COL23A1: variants seen among roughly 807,000 people sequenced by gnomAD.
The protein encoded by COL23A1 is collagen type XXIII alpha 1 chain, also known as collagen alpha-1(XXIII) chain.
COL23A1 carries 97 observed loss-of-function variants against 99.3 expected under a neutral mutation model. The observed-to-expected ratio is 0.98, with a 90% confidence interval of 0.83 to 1.16. COL23A1 has a LOEUF of 1.16. Among genes scored for constraint, COL23A1 ranks in the 50% most tolerant of loss-of-function variants. The pLI, the probability that COL23A1 is intolerant of heterozygous loss-of-function variation, is 0.00. For synonymous variants in COL23A1, 320 were observed against 308.2 expected, an observed-to-expected ratio of 1.04 and a Z score of -0.40; for missense variants, 762 against 757.4, an observed-to-expected ratio of 1.01 and a Z score of -0.07.
At position 178,381,455 on chromosome 5, in the gene COL23A1, C is replaced by A. The variant is rs544296809; in HGVS notation, c.362-74536G>T. On this transcript the variant is annotated intron_variant, in intron 2 of 28. Coordinates refer to ENST00000390654, the MANE Select transcript of COL23A1 (RefSeq NM_173465.4). ...CAGCTGCTTGGGACACCAGCACCAC[C>A]GGGAGAGAGGGTCCTGCCTGTCGCT... 2.0e-5 allele frequency among the ~76,000 whole-genome samples: 3 copies of A among 152,320 alleles called. No homozygotes were observed. In the East Asian group the frequency reaches 5.8e-4, roughly 29 times the overall value.
At chr5:178,575,680 C>T (rs1763313634) in intron 1 of COL23A1, among the ~76,000 whole-genome samples, 1 of 152,192 alleles carries the variant, frequency 6.6e-6, no homozygotes, top group African/African-American at 2.4e-5. Context: ...AGGCACCTGC[C>T]ACCTGGTCCT....
intron 2 of COL23A1, among the ~76,000 whole-genome samples, chr5:178,460,334 G>A (rs983701730): frequency 2.0e-5 from 3 of 152,006 alleles, no homozygotes; most frequent in Admixed American, 6.6e-5. Context: ...AAAGCCCTTG[G>A]CAAAGATGAG....
At chr5:178,279,312 C>T (rs1398769669) in intron 5 of COL23A1, among the ~76,000 whole-genome samples, 1 of 152,202 alleles carries the variant, frequency 6.6e-6, no homozygotes, top group Non-Finnish European at 1.5e-5. Context: ...GCTCTGTCTT[C>T]CTGCCACCTC....
At chr5:178,239,082 A>C in intron 28 of COL23A1, 59 bp downstream of exon 28, 5 of 1,568,296 alleles carry the variant, frequency 3.2e-6, no homozygotes, top group Non-Finnish European at 4.4e-6. Flanking sequence ...GGGCCCTCCC[A>C]TTCCCCCACC....
At chr5:178,422,591 C>T (rs541668100) in intron 2 of COL23A1, among the ~76,000 whole-genome samples, 25 of 152,164 alleles carry the variant, frequency 1.6e-4, no homozygotes, top group South Asian at 8.3e-4. Context: ...CCCAGCAGGC[C>T]GGGAGCTGGG....
intron 2 of COL23A1, among the ~76,000 whole-genome samples, chr5:178,345,924 G>GC (rs1200985753): frequency 2.6e-5 from 4 of 152,124 alleles, no homozygotes; most frequent in African/African-American, 9.7e-5. Flanking sequence ...GGAGGACACT[G>GC]CAAGTTCACA....
intron 8 of COL23A1, among the ~76,000 whole-genome samples, chr5:178,266,684 C>T (rs1040260844): frequency 6.6e-6 from 1 of 152,174 alleles, no homozygotes; most frequent in East Asian, 1.9e-4. Context: ...CAGCTGTGTT[C>T]GTGCTCACAG....
At chr5:178,413,469 G>A (rs1765151239) in intron 2 of COL23A1, among the ~76,000 whole-genome samples, 1 of 152,208 alleles carries the variant, frequency 6.6e-6, no homozygotes, top group African/African-American at 2.4e-5. Context: ...TATATCATAT[G>A]TTCAATTATC....
At chr5:178,315,224 G>A (rs770294848) in intron 2 of COL23A1, among the ~76,000 whole-genome samples, 11 of 152,152 alleles carry the variant, frequency 7.2e-5, no homozygotes, top group Non-Finnish European at 1.3e-4. Context: ...CATACCAGCC[G>A]TGCTGCAGCC....
intron 2 of COL23A1, among the ~76,000 whole-genome samples, chr5:178,551,585 C>CA (rs1353434330): frequency 6.6e-6 from 1 of 152,166 alleles, no homozygotes; most frequent in African/African-American, 2.4e-5. Flanking sequence ...CCCACCCACC[C>CA]AGTTTGTGAG....
rs1403258436 is a variant in COL23A1 at position 178,306,042 on chromosome 5, T to C, written c.406+833A>G. Among the ~76,000 whole-genome samples the C allele has an allele frequency of 6.6e-6, 1 of 151,472 alleles. No individual in the cohort carries two copies. Among genetic ancestry groups the C allele is most frequent in the Non-Finnish European group, 1.5e-5 (1 of 67,896 alleles). On this transcript the variant is annotated intron_variant, in intron 3 of 28. Coordinates refer to ENST00000390654, the MANE Select transcript of COL23A1 (RefSeq NM_173465.4). The surrounding 1 kb of genome is among the most constrained non-coding windows in gnomAD (Gnocchi z 4.1). ...GGAGGCAGGGAGAGGACATGGTCAGTGTCACAGCAGTGGGAGACTGTGGGA... is the reference window on the plus strand; with the variant it reads ...GGAGGCAGGGAGAGGACATGGTCAGCGTCACAGCAGTGGGAGACTGTGGGA...
At chr5:178,350,265 C>T (rs1016830528) in intron 2 of COL23A1, among the ~76,000 whole-genome samples, 4 of 152,216 alleles carry the variant, frequency 2.6e-5, no homozygotes, top group Admixed American at 2.0e-4. Context: ...GGCTCTGAAG[C>T]GTGCTTCTAT....
chr5:178,252,661 C>T (rs1330310074), intron 16 of COL23A1, 64 bp from the exon 17 acceptor site: 50 of 1,404,722 alleles, frequency 3.6e-5, no homozygotes, highest in Non-Finnish European at 4.8e-5. Context: ...CGCTACCCAT[C>T]CAGCTCCCCA....
chr5:178,571,406 G>A (rs1425352958), intron 1 of COL23A1, among the ~76,000 whole-genome samples: 2 of 151,914 alleles, frequency 1.3e-5, no homozygotes, highest in African/African-American at 2.4e-5. Context: ...ATACTTAGGG[G>A]AGCACCAGGA....
chr5:178,340,212 G>A lies in COL23A1; in HGVS notation c.362-33293C>T, dbSNP rs1340258131. Among the ~76,000 whole-genome samples, 3 of 152,192 alleles carry A rather than the reference G, an allele frequency of 2.0e-5. No homozygotes were observed. The highest frequency in any genetic ancestry group is 7.2e-5 in the African/African-American group (3 of 41,454). The stretch of plus-strand genomic sequence containing the variant: ...ACCTATGAAAGTTCCTAGGCAGGGA[G>A]CCTGCTGCAGGGATGGGCCTGGCTG... On this transcript the variant is annotated intron_variant, in intron 2 of 28. Coordinates refer to ENST00000390654, the MANE Select transcript of COL23A1 (RefSeq NM_173465.4). This position sits in a 1 kb window ranked among gnomAD's most constrained non-coding sequence, Gnocchi z 4.7.
At chr5:178,353,955 C>A (rs533080192) in intron 2 of COL23A1, among the ~76,000 whole-genome samples, 2,087 of 139,000 alleles carry the variant, frequency 0.015, 53 homozygotes, top group African/African-American at 0.05. Flanking sequence ...AAAAAAAAAA[C>A]CAAAAAAACC....
At chr5:178,458,247 C>G (rs1050419982) in intron 2 of COL23A1, among the ~76,000 whole-genome samples, 1 of 152,252 alleles carries the variant, frequency 6.6e-6, no homozygotes, top group African/African-American at 2.4e-5. Context: ...AACATCCATC[C>G]TGCTGTTCCT....
chr5:178,524,678 C>T (rs916080528), intron 2 of COL23A1, among the ~76,000 whole-genome samples: 2 of 152,218 alleles, frequency 1.3e-5, no homozygotes, highest in Non-Finnish European at 1.5e-5. Flanking sequence ...TTCCAGGCCA[C>T]GCTGACCCGA....
At chr5:178,355,035 G>A (rs1761558077) in intron 2 of COL23A1, among the ~76,000 whole-genome samples, 1 of 147,172 alleles carries the variant, frequency 6.8e-6, no homozygotes, top group Non-Finnish European at 1.5e-5. Context: ...TCCAGCCTGG[G>A]AGACAGGTGA....
Sources: allele counts gnomAD v4.1 joint callset (sites outside exome capture counted in the v4.1 genomes callset), GRCh38; gene constraint gnomAD v4.1.1; non-coding constraint Gnocchi (gnomAD v3.1); transcripts MANE v1.5; gene names NCBI Gene and HGNC (gene_info 2026-07-23, HGNC 2026-07-21).